ATRN: variants seen among roughly 807,000 people sequenced by gnomAD.
ATRN encodes the protein attractin-2.
A neutral mutation model predicts 178.7 loss-of-function variants in ATRN; 54 were observed. The ratio of observed to expected loss-of-function variants is 0.30; its 90% CI spans 0.24 to 0.38. The LOEUF (loss-of-function observed/expected upper bound fraction) is 0.38. ATRN is among the 10% of genes least tolerant of loss of function. The pLI is 1.00. For missense variants in ATRN, 1,443 were observed against 1,815.1 expected (o/e 0.79, Z 3.73); for synonymous variants, 636 against 663.0 (o/e 0.96, Z 0.63).
chr20:3,571,034 A>C (rs961498322), intron 11 of ATRN, among the ~76,000 whole-genome samples: 1 of 152,114 alleles, frequency 6.6e-6, no homozygotes, highest in African/African-American at 2.4e-5. Flanking sequence ...TCTGCGTTCC[A>C]TTTTTTCCCC....
chr20:3,504,734 A>G lies in ATRN; in HGVS notation c.411-30519A>G, dbSNP rs1246810207. Among the ~76,000 whole-genome samples the G allele has an allele frequency of 3.8e-5, 5 of 132,932 alleles. No individual in the cohort carries two copies. In the East Asian group the frequency reaches 1.1e-3, roughly 28 times the overall value. The allele number at this position is 132,932 out of a possible 152,430, so 87.2% of individuals were successfully genotyped here. On this transcript the variant is annotated intron_variant, in intron 1 of 28. Coordinates refer to ENST00000262919, the MANE Select transcript of ATRN (RefSeq NM_139321.3). Reference sequence around the variant, plus strand: ...AATAATAATAATAATAATAATAATAATAATAGACTGCCCCTTTCCTCCCAA... The same window carrying G: ...AATAATAATAATAATAATAATAATAGTAATAGACTGCCCCTTTCCTCCCAA...
At chr20:3,536,751 CTT>C (rs1488734786) in intron 2 of ATRN, among the ~76,000 whole-genome samples, 1 of 152,090 alleles carries the variant, frequency 6.6e-6, no homozygotes, top group Non-Finnish European at 1.5e-5. Flanking sequence ...TCTGCATTCA[CTT>C]TGTTGCAGTA....
intron 11 of ATRN, among the ~76,000 whole-genome samples, chr20:3,566,736 C>T (rs1461012495): frequency 6.6e-6 from 1 of 151,976 alleles, no homozygotes; most frequent in Non-Finnish European, 1.5e-5. Context: ...AAACCCCCGT[C>T]TCTTCCTAAA....
intron 6 of ATRN, among the ~76,000 whole-genome samples, chr20:3,558,292 G>A (rs2085905213): frequency 6.6e-6 from 1 of 152,016 alleles, no homozygotes; most frequent in Non-Finnish European, 1.5e-5. Context: ...ATATGTTGCT[G>A]GCGTATATTT....
chr20:3,588,015 T>G (rs1023509498), intron 18 of ATRN, among the ~76,000 whole-genome samples: 1 of 152,118 alleles, frequency 6.6e-6, no homozygotes, highest in Non-Finnish European at 1.5e-5. Context: ...ACCCAGCTAA[T>G]TTTTATATTT....
chr20:3,571,636 A>G (rs2146240322), intron 11 of ATRN, among the ~76,000 whole-genome samples: 1 of 151,730 alleles, frequency 6.6e-6, no homozygotes, highest in African/African-American at 2.4e-5. Context: ...TTTTTCTTAC[A>G]CTGAAATTAG....
chr20:3,623,830 T>C (rs1227690690), intron 24 of ATRN, among the ~76,000 whole-genome samples: 1 of 152,200 alleles, frequency 6.6e-6, no homozygotes, highest in Non-Finnish European at 1.5e-5. Flanking sequence ...TTATGGTCAG[T>C]GACTTAAAAA....
rs2086315928 is a variant in ATRN at position 3,583,935 on chromosome 20, C to T, written c.2802C>T (p.Ala934=). 6.2e-7 allele frequency: 1 copy of T among 1,614,218 alleles called. No homozygotes were observed. Among genetic ancestry groups the T allele is most frequent in the East Asian group, 2.2e-5 (1 of 44,888 alleles). Residue 934 remains alanine, a synonymous_variant, in exon 17 of 29, where the codon GCC becomes GCT. Transcript: ENST00000262919. ...HSAKQCRTPC[A]LRTACGDCTS... ...CTAAGCAGTGCCGGACACCATGTGC[C>T]TTGAGGACAGCATGTGGAGATTGCA...
At chr20:3,546,781 A>G (rs377165796) in intron 4 of ATRN, among the ~76,000 whole-genome samples, 3 of 152,226 alleles carry the variant, frequency 2.0e-5, no homozygotes, top group Non-Finnish European at 4.4e-5. Context: ...AAATATACCA[A>G]TCTGGGCAGT....
At chr20:3,624,035 C>T (rs192334351) in intron 24 of ATRN, among the ~76,000 whole-genome samples, 9 of 152,164 alleles carry the variant, frequency 5.9e-5, no homozygotes, top group African/African-American at 1.2e-4. Flanking sequence ...TGTAGCAAAA[C>T]GCGAGGCACA....
chr20:3,499,096 G>C (rs1195466885), intron 1 of ATRN, among the ~76,000 whole-genome samples: 18 of 97,882 alleles, frequency 1.8e-4, no homozygotes, highest in African/African-American at 8.4e-4. Flanking sequence ...GCTTCAAAGA[G>C]AATAAAATAC....
At chr20:3,525,381 G>T (rs776906094) in intron 1 of ATRN, among the ~76,000 whole-genome samples, 47 of 152,002 alleles carry the variant, frequency 3.1e-4, no homozygotes, top group Non-Finnish European at 4.4e-4. Flanking sequence ...GACTAATAAC[G>T]AGTTCTGAAA....
intron 15 of ATRN, among the ~76,000 whole-genome samples, chr20:3,580,029 T>C (rs2086261676): frequency 6.6e-6 from 1 of 152,224 alleles, no homozygotes; most frequent in South Asian, 2.1e-4. Flanking sequence ...TGTGTTTACC[T>C]CAGGCTACTG....
At chr20:3,608,955 G>A (rs1286516735) in intron 24 of ATRN, among the ~76,000 whole-genome samples, 3 of 136,998 alleles carry the variant, frequency 2.2e-5, no homozygotes, top group Non-Finnish European at 3.1e-5. Context: ...CAAACAAAGC[G>A]AGACTCTGTC....
intron 1 of ATRN, among the ~76,000 whole-genome samples, chr20:3,512,263 C>T (rs2085144851): frequency 7.3e-6 from 1 of 137,672 alleles, no homozygotes; most frequent in Non-Finnish European, 1.6e-5. Flanking sequence ...CCCCCTCCCC[C>T]CACGCCACAA....
chr20:3,533,956 C>T (rs2085488940), intron 1 of ATRN, among the ~76,000 whole-genome samples: 2 of 152,068 alleles, frequency 1.3e-5, no homozygotes, highest in African/African-American at 4.8e-5. Flanking sequence ...CATGCCTGGT[C>T]CACACCTAAT....
chr20:3,622,458 C>T (rs974775595), intron 24 of ATRN, among the ~76,000 whole-genome samples: 1 of 152,152 alleles, frequency 6.6e-6, no homozygotes, highest in Non-Finnish European at 1.5e-5. Flanking sequence ...AGGGACAGCC[C>T]AATGTATGTT....
At chr20:3,508,638 G>T (rs1035613837) in intron 1 of ATRN, among the ~76,000 whole-genome samples, 6 of 152,184 alleles carry the variant, frequency 3.9e-5, no homozygotes, top group Non-Finnish European at 5.9e-5. Context: ...TTACAGTAAA[G>T]GGAGTTCCGT....
intron 2 of ATRN, among the ~76,000 whole-genome samples, chr20:3,535,701 C>T (rs553867517): frequency 5.4e-4 from 82 of 151,724 alleles, no homozygotes; most frequent in Non-Finnish European, 1.5e-4. Flanking sequence ...GCGTGATCTC[C>T]GCTCACTGCA....
Sources: gnomAD v4.1 joint callset for allele counts (sites outside exome capture counted in the v4.1 genomes callset) on GRCh38, gnomAD v4.1.1 for gene constraint, MANE v1.5 for transcripts, NCBI Gene and HGNC (gene_info 2026-07-23, HGNC 2026-07-21) for gene names.